The following GDI2 variants were observed in gnomAD, a reference collection of about 807,000 sequenced individuals.
GDI2 encodes the protein GDP dissociation inhibitor 2, also known as rab GDP dissociation inhibitor beta.
In GDI2, 22 loss-of-function variants were observed where a neutral mutation model predicts 54.2. The ratio of observed to expected loss-of-function variants is 0.41; its 90% CI spans 0.29 to 0.58. The LOEUF is 0.58. GDI2 is among the 20% of genes least tolerant of loss of function. The pLI, the probability that GDI2 is intolerant of heterozygous loss-of-function variation, is 0.35. For synonymous variants in GDI2, 177 were observed against 182.1 expected (o/e 0.97, Z 0.23); for missense variants, 422 against 546.0 (o/e 0.77, Z 2.26).
At chr10:5,811,844 AG>A in intron 1 of GDI2, 1 of 594,028 alleles carries the variant, frequency 1.7e-6, no homozygotes, top group Non-Finnish European at 2.7e-6. Context: ...ATGACAGACC[AG>A]AAAAACACGA....
chr10:5,771,917 C>T (rs1840497327), intron 7 of GDI2, among the ~76,000 whole-genome samples: 1 of 152,074 alleles, frequency 6.6e-6, no homozygotes, highest in Admixed American at 6.6e-5. Flanking sequence ...TGGTGAAACC[C>T]CATCTCTACT....
rs527586195 is a variant in GDI2, at chr10:5,776,960, C to T, written c.720-3019G>A. On this transcript the variant is annotated intron_variant, in intron 6 of 10. Transcript: ENST00000380191. The surrounding 1 kb of genome is among the most constrained non-coding windows in gnomAD (Gnocchi z 5.3). ...GGAAAACCACATAGAAGGGTAATCC[C>T]GGAAATGCTTCATCTGGCAGACTGT... 11 of 530,420 alleles carry T rather than the reference C, an allele frequency of 2.1e-5. No individual in the cohort carries two copies. Among genetic ancestry groups the T allele is most frequent in the East Asian group, 1.9e-4 (6 of 31,734 alleles). The allele number at this position is 530,420 out of a possible 1,614,324, so 32.9% of individuals were successfully genotyped here. A position where few individuals can be genotyped will look rare whatever the true frequency, so the allele number is the denominator to read the frequency against.
intron 7 of GDI2, among the ~76,000 whole-genome samples, chr10:5,773,321 G>C (rs1025847051): frequency 2.0e-5 from 3 of 152,108 alleles, no homozygotes; most frequent in African/African-American, 7.2e-5. Flanking sequence ...AATGGCAGAA[G>C]AATTAATTCA....
chr10:5,775,313 G>A (rs924990428), intron 6 of GDI2, among the ~76,000 whole-genome samples: 4 of 152,118 alleles, frequency 2.6e-5, no homozygotes, highest in African/African-American at 4.8e-5. Flanking sequence ...TAAAGTGGGG[G>A]GAAAGGCAGC....
chr10:5,811,691 T>C (rs1055291525), intron 1 of GDI2, among the ~76,000 whole-genome samples: 2 of 149,020 alleles, frequency 1.3e-5, no homozygotes, highest in Non-Finnish European at 3.0e-5. Context: ...AAACCTGCAG[T>C]GGGTAGGGCC....
At chr10:5,779,301 G>A (rs1429863986) in intron 6 of GDI2, among the ~76,000 whole-genome samples, 1 of 151,964 alleles carries the variant, frequency 6.6e-6, no homozygotes, top group African/African-American at 2.4e-5. Context: ...ACAAGGTCAG[G>A]AGATGAGACC....
intron 4 of GDI2, among the ~76,000 whole-genome samples, chr10:5,792,399 A>G (rs1036860873): frequency 2.6e-5 from 4 of 152,196 alleles, no homozygotes; most frequent in Non-Finnish European, 5.9e-5. Context: ...TGCTCAAAAA[A>G]CTGAGTTCTT....
At position 5,813,266 on chromosome 10, in the gene GDI2, C is replaced by A; in HGVS notation, c.-8G>T. 1.9e-6 allele frequency: 3 copies of A among 1,569,788 alleles called. No homozygotes were observed. The highest frequency in any genetic ancestry group is 4.7e-5 in the East Asian group (2 of 42,280). On this transcript the variant is annotated 5_prime_UTR_variant, in exon 1 of 11. Transcript: ENST00000380191. ...GTCGTACTCCTCATTCATGGCGGGG[C>A]AGGCGCGGACGCAGGACCCGAGCAA...
chr10:5,776,403 C>A lies in GDI2; in HGVS notation c.720-2462G>T, dbSNP rs767815540. 3.1e-5 allele frequency: 24 copies of A among 763,410 alleles called. No homozygotes were observed. The highest frequency in any genetic ancestry group is 4.7e-5 in the Non-Finnish European group (20 of 422,264). 47.3% of individuals were successfully genotyped at this position (763,410 alleles called of 1,614,324 possible). On this transcript the variant is annotated intron_variant, in intron 6 of 10. Transcript: ENST00000380191. This position sits in a 1 kb window ranked among gnomAD's most constrained non-coding sequence, Gnocchi z 5.3. ...CAGCCCTTTCACAGAGAAATGCCTG[C>A]CTGAGATTCAAGGGATCTTTGACAG... is the stretch of plus-strand genomic sequence containing the variant.
intron 1 of GDI2, chr10:5,811,951 T>C: frequency 2.8e-6 from 3 of 1,078,328 alleles, no homozygotes; most frequent in Non-Finnish European, 3.6e-6. Context: ...TATTTTGGGA[T>C]GTTACCTGTA....
chr10:5,799,957 CT>C (rs1399655094), intron 2 of GDI2, among the ~76,000 whole-genome samples: 1 of 152,116 alleles, frequency 6.6e-6, no homozygotes, highest in Non-Finnish European at 1.5e-5. Context: ...ATTCTTTAAA[CT>C]TTTCAGTATT....
At chr10:5,786,982 T>C (rs1383241549) in intron 4 of GDI2, among the ~76,000 whole-genome samples, 1 of 152,232 alleles carries the variant, frequency 6.6e-6, no homozygotes, top group Non-Finnish European at 1.5e-5. Flanking sequence ...CTTTTATTAC[T>C]AGGCTGTATT....
At chr10:5,811,967 A>AT (rs1841486691) in intron 1 of GDI2, 1 of 995,046 alleles carries the variant, frequency 1.0e-6, no homozygotes, top group Admixed American at 4.2e-5. Flanking sequence ...CTGTAAAAAA[A>AT]AAAAAAAAAA....
rs555199973 is a variant in GDI2, at chr10:5,776,641, G to C, written c.720-2700C>G. The C allele has an allele frequency of 1.7e-4, 247 of 1,486,250 alleles. 1 individual carries two copies. The African/African-American group carries it at 3.0e-3, about 18-fold the overall frequency. The allele number at this position is 1,486,250 out of a possible 1,614,324, so 92.1% of individuals were successfully genotyped here. On this transcript the variant is annotated intron_variant, in intron 6 of 10. Coordinates refer to ENST00000380191, the MANE Select transcript of GDI2 (RefSeq NM_001494.4). This position sits in a 1 kb window ranked among gnomAD's most constrained non-coding sequence, Gnocchi z 5.3. ...GACTTCTAAATGGTCCAATAGAAAA[G>C]GAGCTGGATGTAGATGCTGATTTTG...
intron 4 of GDI2, among the ~76,000 whole-genome samples, chr10:5,787,768 G>A (rs760525417): frequency 6.6e-6 from 1 of 152,182 alleles, no homozygotes; most frequent in Admixed American, 6.5e-5. Context: ...TATTCCGGTC[G>A]GCACAGCCTG....
intron 4 of GDI2, 93 bp downstream of exon 4, chr10:5,794,792 T>C (rs532758914): frequency 6.5e-5 from 54 of 831,036 alleles, no homozygotes; most frequent in South Asian, 2.8e-4. Flanking sequence ...TAAATATTTG[T>C]TGACTGGGTC....
intron 6 of GDI2, among the ~76,000 whole-genome samples, chr10:5,780,184 G>T (rs1299908736): frequency 2.7e-5 from 4 of 150,444 alleles, no homozygotes; most frequent in Non-Finnish European, 5.9e-5. Context: ...ACTCTAGCAT[G>T]GGTGACAGAG....
At chr10:5,789,474 T>C (rs1840960705) in intron 4 of GDI2, among the ~76,000 whole-genome samples, 1 of 151,998 alleles carries the variant, frequency 6.6e-6, no homozygotes, top group African/African-American at 2.4e-5. Flanking sequence ...GCAGTGACTA[T>C]TCCCAGGTGT....
In GDI2 at chr10:5,808,305, A is replaced by T. The variant is rs2131723321; in HGVS notation, c.45+4909T>A. 1.3e-5 allele frequency among the ~76,000 whole-genome samples: 2 copies of T among 152,276 alleles called. 1 individual carries two copies. ...ACACAACTGCACTCCAGCCTGGGTA[A>T]GAGACCGAGACCCTGTCTCAAAAAC... is the stretch of plus-strand genomic sequence containing the variant. On this transcript the variant is annotated intron_variant, in intron 1 of 10. Coordinates refer to ENST00000380191, the MANE Select transcript of GDI2 (RefSeq NM_001494.4).
Sources: gnomAD v4.1 joint callset for allele counts (sites outside exome capture counted in the v4.1 genomes callset) on GRCh38, gnomAD v4.1.1 for gene constraint, Gnocchi (gnomAD v3.1) non-coding constraint, MANE v1.5 for transcripts, NCBI Gene and HGNC (gene_info 2026-07-23, HGNC 2026-07-21) for gene names.